Variants in NACAD observed in about 807,000 individuals in gnomAD.
The protein encoded by NACAD is NAC alpha domain containing, also known as NAC-alpha domain-containing protein 1.
A neutral mutation model predicts 98.9 loss-of-function variants in NACAD; 47 were observed. The ratio of observed to expected loss-of-function variants is 0.48; its 90% CI spans 0.38 to 0.61. The LOEUF (loss-of-function observed/expected upper bound fraction) is 0.61. NACAD is among the 20% of genes least tolerant of loss of function. The probability of loss-of-function intolerance (pLI) is 0.00; values close to 1 mark genes in which losing one functional copy is unlikely to be tolerated. For synonymous variants in NACAD, 696 were observed against 767.2 expected (o/e 0.91, Z 1.53); for missense variants, 1,412 against 1,748.2 (o/e 0.81, Z 3.43).
rs759301588 is a variant in NACAD at position 45,082,862 on chromosome 7, C to T, written c.3318G>A (p.Ala1106=). The change falls in exon 2 of 8, where the codon GCG becomes GCA. Residue 1106 remains alanine (A), a synonymous_variant. Coordinates refer to ENST00000490531, the MANE Select transcript of NACAD (RefSeq NM_001146334.2). This position sits in a 1 kb window ranked among gnomAD's most constrained non-coding sequence, Gnocchi z 4.5. ...TGACCTCAGGGCAGGCAGCAGGAGG[C>T]GCATCGGGGACCTCCCTTGCACCTC... ...ALGGAREVPD[A]PPAACPEVSQ... 25 of 1,550,052 alleles carry T rather than the reference C, an allele frequency of 1.6e-5. No individual in the cohort carries two copies. The highest frequency in any genetic ancestry group is 2.7e-5 in the African/African-American group (2 of 73,024).
intron 1 of NACAD, 111 bp from the exon 2 acceptor site, chr7:45,086,223 G>A: frequency 8.3e-7 from 1 of 1,202,114 alleles, no homozygotes; most frequent in Non-Finnish European, 1.1e-6. Flanking sequence ...GGTGGATCCA[G>A]GAAGGCAGGA....
chr7:45,086,705 T>C (rs1479152473), intron 1 of NACAD, among the ~76,000 whole-genome samples: 1 of 152,238 alleles, frequency 6.6e-6, no homozygotes, highest in Admixed American at 6.5e-5. Context: ...GCTCCCCTCC[T>C]GCACCCAGGG....
At position 45,085,938 on chromosome 7, in the gene NACAD, G is replaced by A. The variant is rs1024812256; in HGVS notation, c.242C>T (p.Ser81Leu). Residue 81 changes from serine (S) to leucine (L), a missense_variant, in exon 2 of 8, where the codon TCG becomes TTG. Ser to Leu is a moderately radical substitution (Grantham distance 145). Around this residue, in one of 5 missense-constraint regions of NACAD, gnomAD observed 638 missense variants for 722.7 expected, o/e 0.88. Transcript: ENST00000490531. This position sits in a 1 kb window ranked among gnomAD's most constrained non-coding sequence, Gnocchi z 6.1. ...SWDAGPGGAP[S>L]AWADPGEGGP... ...GCCCTCCCCTGGGTCCGCCCAGGCC[G>A]AGGGTGCCCCACCAGGCCCTGCATC... The A allele has an allele frequency of 4.7e-5, 72 of 1,540,606 alleles. No homozygotes were observed. The African/African-American group carries it at 8.5e-4, about 18-fold the overall frequency.
Position 45,085,590 on chromosome 7 carries a change from G to A in NACAD, c.590C>T (p.Ala197Val). Residue 197 changes from alanine to valine, a missense_variant, in exon 2 of 8, where the codon GCC becomes GTC. Coordinates refer to ENST00000490531, the MANE Select transcript of NACAD (RefSeq NM_001146334.2). This position sits in a 1 kb window ranked among gnomAD's most constrained non-coding sequence, Gnocchi z 6.1. ...LLPACGPHGDARDSEAELRDE... is the reference protein window; with the variant it reads ...LLPACGPHGDVRDSEAELRDE... ...CCGCAGCTCAGCCTCTGAGTCCCTG[G>A]CGTCCCCGTGGGGCCCACAGGCAGG... is the stretch of plus-strand genomic sequence containing the variant. The A allele has an allele frequency of 1.9e-6, 3 of 1,550,136 alleles. No homozygotes were observed. The highest frequency in any genetic ancestry group is 2.4e-5 in the East Asian group (1 of 40,896).
At chr7:45,080,830 C>T (rs778270098) in intron 6 of NACAD, 46 bp downstream of exon 6, 24 of 1,548,882 alleles carry the variant, frequency 1.5e-5, no homozygotes, top group South Asian at 8.3e-5. Flanking sequence ...CCCCATGTAG[C>T]GCCTCCCACC....
chr7:45,084,780 T>A lies in NACAD; in HGVS notation c.1400A>T (p.Glu467Val). 6.4e-7 allele frequency: 1 copy of A among 1,551,086 alleles called. No individual in the cohort carries two copies. Among genetic ancestry groups the A allele is most frequent in the Non-Finnish European group, 8.7e-7 (1 of 1,146,922 alleles). The change falls in exon 2 of 8, where the codon GAA (glutamate) becomes GTA (valine). Residue 467 changes from glutamate (E) to valine (V), a missense_variant. Glu to Val is a moderately radical substitution (Grantham distance 121, BLOSUM62 -2). Transcript: ENST00000490531. ...TAAAGCAAGGCCCTCTTCTGTTACT[T>A]CTGAGATCAATTCCTGTCTCTGGGA... ...YLSQRQELIS[E>V]VTEEGLALGQ...
intron 1 of NACAD, among the ~76,000 whole-genome samples, chr7:45,087,789 C>T (rs753457119): frequency 2.0e-5 from 3 of 152,200 alleles, no homozygotes; most frequent in African/African-American, 2.4e-5. Context: ...CAGGAGTGGG[C>T]GTGGCTGGTG....
In NACAD at chr7:45,081,736, T is replaced by A. The variant is rs1444338545; in HGVS notation, c.4185+19A>T. ...GTGGGGCCCTCCCAGAGGCCCACCC[T>A]CTTCCCTGGACTGGGCACCTGGGCT... On this transcript the variant is annotated intron_variant, in intron 3 of 7. Coordinates refer to ENST00000490531, the MANE Select transcript of NACAD (RefSeq NM_001146334.2). The A allele has an allele frequency of 6.4e-7, 1 of 1,551,120 alleles. No individual in the cohort carries two copies. The highest frequency in any genetic ancestry group is 2.0e-5 in the Admixed American group (1 of 50,996).
Position 45,085,231 on chromosome 7 carries a change from G to A in NACAD, c.949C>T (p.Leu317Phe). 1.3e-6 allele frequency: 2 copies of A among 1,551,460 alleles called. No homozygotes were observed. The highest frequency in any genetic ancestry group is 8.7e-7 in the Non-Finnish European group (1 of 1,146,946). Residue 317 changes from leucine to phenylalanine, a missense_variant, in exon 2 of 8, where the codon CTC becomes TTC. By Grantham distance (22) the Leu-to-Phe change is conservative (BLOSUM62 0). Around this residue, in one of 5 missense-constraint regions of NACAD, gnomAD observed 638 missense variants for 722.7 expected, o/e 0.88. Coordinates refer to ENST00000490531, the MANE Select transcript of NACAD (RefSeq NM_001146334.2). This position sits in a 1 kb window ranked among gnomAD's most constrained non-coding sequence, Gnocchi z 6.1. Reference sequence around the variant, plus strand: ...TCCACTGCCTCCACCTGAAAGATGAGGCTGCCCTGGAAGGGTAGGAGGGCT... The same window carrying A: ...TCCACTGCCTCCACCTGAAAGATGAAGCTGCCCTGGAAGGGTAGGAGGGCT... ...PAALLPFQGS[L>F]IFQVEAVEVT...
chr7:45,088,917 T>C lies in NACAD; in HGVS notation c.-23A>G. On this transcript the variant is annotated 5_prime_UTR_variant, in exon 1 of 8. Transcript: ENST00000490531. The surrounding 1 kb of genome is among the most constrained non-coding windows in gnomAD (Gnocchi z 5.7). ...CATGGCCTGGCCGTGCGCCCGCCCG[T>C]CCCTCAGTCCTTCCGACCCTCCGTC... The C allele has an allele frequency of 7.3e-7, 1 of 1,372,030 alleles. No individual in the cohort carries two copies. 85.0% of individuals were successfully genotyped at this position (1,372,030 alleles called of 1,614,324 possible).
chr7:45,082,259 G>A lies in NACAD; in HGVS notation c.3921C>T (p.Ser1307=), dbSNP rs926600022. The part of the protein sequence containing the change: ...VSLSPHSPLL[S]PKVASMDAKD... ...TGGCATCCATGGAGGCCACCTTGGG[G>A]CTGAGGAGTGGGGAGTGAGGCGAGA... The change falls in exon 2 of 8, where the codon AGC becomes AGT. Residue 1307 remains serine (S), a synonymous_variant. Coordinates refer to ENST00000490531, the MANE Select transcript of NACAD (RefSeq NM_001146334.2). This position sits in a 1 kb window ranked among gnomAD's most constrained non-coding sequence, Gnocchi z 4.5. 6.4e-7 allele frequency: 1 copy of A among 1,550,528 alleles called. No homozygotes were observed. Among genetic ancestry groups the A allele is most frequent in the Non-Finnish European group, 8.7e-7 (1 of 1,146,852 alleles).
At position 45,082,513 on chromosome 7, in the gene NACAD, T is replaced by A; in HGVS notation, c.3667A>T (p.Arg1223Trp). 4 of 1,549,566 alleles carry A rather than the reference T, an allele frequency of 2.6e-6. No homozygotes were observed. Among genetic ancestry groups the A allele is most frequent in the Non-Finnish European group, 3.5e-6 (4 of 1,146,768 alleles). The change falls in exon 2 of 8, where the codon AGG becomes TGG. Residue 1223 changes from arginine (R) to tryptophan (W), a missense_variant. Coordinates refer to ENST00000490531, the MANE Select transcript of NACAD (RefSeq NM_001146334.2). This position sits in a 1 kb window ranked among gnomAD's most constrained non-coding sequence, Gnocchi z 4.5. ...AKGQPSTPVDRPLGPDPSAPG... is the reference protein window; with the variant it reads ...AKGQPSTPVDWPLGPDPSAPG... The stretch of plus-strand genomic sequence containing the variant: ...GCAGAAGGGTCAGGGCCCAGGGGCC[T>A]GTCCACGGGCGTGCTGGGCTGACCC...
At position 45,084,822 on chromosome 7, in the gene NACAD, T is replaced by A. The variant is rs1174989946; in HGVS notation, c.1358A>T (p.Asp453Val). 6.4e-7 allele frequency: 1 copy of A among 1,550,884 alleles called. No homozygotes were observed. Among genetic ancestry groups the A allele is most frequent in the Admixed American group, 2.0e-5 (1 of 50,966 alleles). Residue 453 changes from aspartate to valine, a missense_variant, in exon 2 of 8, where the codon GAC becomes GTC. Asp to Val is a radical substitution (Grantham distance 152). Transcript: ENST00000490531. ...WAVEAAPQTS[D>V]RGAYLSQRQE... ...TCTCTGGGACAGATAGGCCCCTCTG[T>A]CTGAGGTCTGAGGAGCAGCCTCCAC...
At chr7:45,080,617 G>A in intron 7 of NACAD, 23 bp downstream of exon 7, 1 of 1,551,422 alleles carries the variant, frequency 6.4e-7, no homozygotes, top group South Asian at 1.2e-5. Context: ...CAGGGGTAGG[G>A]AAAGGGGCCA....
At position 45,085,300 on chromosome 7, in the gene NACAD, A is replaced by T. The variant is rs1784500735; in HGVS notation, c.880T>A (p.Phe294Ile). 2 of 1,551,068 alleles carry T rather than the reference A, an allele frequency of 1.3e-6. No individual in the cohort carries two copies. The highest frequency in any genetic ancestry group is 1.4e-5 in the African/African-American group (1 of 73,034). Residue 294 changes from phenylalanine (F) to isoleucine (I), a missense_variant, in exon 2 of 8, where the codon TTC (phenylalanine) becomes ATC (isoleucine). Physicochemically the swap from Phe to Ile is conservative, Grantham distance 21. Transcript: ENST00000490531. The surrounding 1 kb of genome is among the most constrained non-coding windows in gnomAD (Gnocchi z 6.1). ...SSSSWGQEGH[F>I]FDLDFLANDP... ...TTGGCCAGGAAGTCCAGGTCGAAGA[A>T]GTGGCCCTCCTGGCCCCAGGAGGAG...
rs1220478066 is a variant in NACAD, at chr7:45,088,648, C to A, written c.67+180G>T. ...CACTTCGTGCGCCCCACCTTCCCCG[C>A]AGTTCTGAGAGAGGCGGTAGCAGGG... On this transcript the variant is annotated intron_variant, in intron 1 of 7. Transcript: ENST00000490531. This position sits in a 1 kb window ranked among gnomAD's most constrained non-coding sequence, Gnocchi z 5.7. Among the ~76,000 whole-genome samples, 2 of 149,870 alleles carry A rather than the reference C, an allele frequency of 1.3e-5. No individual in the cohort carries two copies.
At position 45,085,501 on chromosome 7, in the gene NACAD, T is replaced by G; in HGVS notation, c.679A>C (p.Ser227Arg). The stretch of plus-strand genomic sequence containing the variant: ...GAACAGGAGGGTGAAGAGGCCCAGC[T>G]GTCCCCATCGGCCGTAATGTAGGAG... The part of the protein sequence containing the change: ...SGSYITADGD[S>R]WASSPSCSLS... Residue 227 changes from serine (S) to arginine (R), a missense_variant, in exon 2 of 8, where the codon AGC becomes CGC. Around this residue, in one of 5 missense-constraint regions of NACAD, gnomAD observed 638 missense variants for 722.7 expected, o/e 0.88. Coordinates refer to ENST00000490531, the MANE Select transcript of NACAD (RefSeq NM_001146334.2). The surrounding 1 kb of genome is among the most constrained non-coding windows in gnomAD (Gnocchi z 6.1). The G allele has an allele frequency of 6.4e-7, 1 of 1,550,774 alleles. No individual in the cohort carries two copies. Among genetic ancestry groups the G allele is most frequent in the South Asian group, 1.2e-5 (1 of 84,004 alleles).
At position 45,082,707 on chromosome 7, in the gene NACAD, C is replaced by T. The variant is rs532069182; in HGVS notation, c.3473G>A (p.Gly1158Glu). Reference sequence around the variant, plus strand: ...GCCTCTGTCCAGACTGGACACAGCCCCTACTGAAGACTCTGGGCAGGAGTC... The same window carrying T: ...GCCTCTGTCCAGACTGGACACAGCCTCTACTGAAGACTCTGGGCAGGAGTC... ...SLDSCPESSV[G>E]AVSSLDRGCP... Residue 1158 changes from glycine (G) to glutamate (E), a missense_variant, in exon 2 of 8, where the codon GGG becomes GAG. Physicochemically the swap from Gly to Glu is moderately conservative, Grantham distance 98. This residue lies in a region of NACAD where 572 missense variants were observed against 639.6 expected (regional missense o/e 0.89). Transcript: ENST00000490531. This position sits in a 1 kb window ranked among gnomAD's most constrained non-coding sequence, Gnocchi z 4.5. 1.3e-6 allele frequency: 2 copies of T among 1,521,906 alleles called. No homozygotes were observed. The highest frequency in any genetic ancestry group is 4.9e-5 in the East Asian group (2 of 40,668). 94.3% of individuals were successfully genotyped at this position (1,521,906 alleles called of 1,614,324 possible). A position where few individuals can be genotyped will look rare whatever the true frequency, so the allele number is the denominator to read the frequency against.
In NACAD at chr7:45,085,194, A is replaced by G; in HGVS notation, c.986T>C (p.Leu329Pro). Residue 329 changes from leucine (L) to proline (P), a missense_variant, in exon 2 of 8, where the codon CTA becomes CCA. Leu to Pro is a moderately conservative substitution (Grantham distance 98). This residue lies in a region of NACAD where 638 missense variants were observed against 722.7 expected (regional missense o/e 0.88). Transcript: ENST00000490531. This position sits in a 1 kb window ranked among gnomAD's most constrained non-coding sequence, Gnocchi z 6.1. ...CTCCTCTTCTTCTTCCTCTGGGGAT[A>G]GCGGTGTCACCTCCACTGCCTCCAC... ...FQVEAVEVTP[L>P]SPEEEEEEAV... 1 of 1,551,270 alleles carries G rather than the reference A, an allele frequency of 6.4e-7. No individual in the cohort carries two copies. Among genetic ancestry groups the G allele is most frequent in the Non-Finnish European group, 8.7e-7 (1 of 1,146,874 alleles).
Sources: allele counts gnomAD v4.1 joint callset (sites outside exome capture counted in the v4.1 genomes callset), GRCh38; gene constraint gnomAD v4.1.1; regional missense constraint gnomAD v4.1.1; non-coding constraint Gnocchi (gnomAD v3.1); transcripts MANE v1.5; gene names NCBI Gene and HGNC (gene_info 2026-07-23, HGNC 2026-07-21).